Variants in ZNF385B observed in about 807,000 individuals in gnomAD.
ZNF385B encodes zinc finger protein 385B.
Under a neutral mutation model 39.2 loss-of-function variants are expected in ZNF385B, and 23 were observed. The ratio of observed to expected loss-of-function variants is 0.59; its 90% CI spans 0.42 to 0.83. ZNF385B has a LOEUF of 0.83. ZNF385B is among the 40% of genes least tolerant of loss of function. The probability of loss-of-function intolerance (pLI) is 0.00; values close to 1 mark genes in which losing one functional copy is unlikely to be tolerated. For missense variants in ZNF385B, 552 were observed against 598.9 expected (o/e 0.92, Z 0.82); for synonymous variants, 205 against 222.6 (o/e 0.92, Z 0.70).
intron 3 of ZNF385B, among the ~76,000 whole-genome samples, chr2:179,668,025 A>C (rs1218484048): frequency 6.6e-6 from 1 of 152,200 alleles, no homozygotes. Flanking sequence ...ATCTAGACTT[A>C]GTTTTCTCCA....
intron 1 of ZNF385B, among the ~76,000 whole-genome samples, chr2:179,857,808 C>T (rs116438987): frequency 0.023 from 3,489 of 152,082 alleles, 130 homozygotes; most frequent in African/African-American, 0.079. Context: ...CACCTAGTGC[C>T]GTGCTTGTCA....
chr2:179,676,094 A>AT (rs376176904), intron 3 of ZNF385B, among the ~76,000 whole-genome samples: 30 of 143,562 alleles, frequency 2.1e-4, no homozygotes, highest in Admixed American at 1.3e-3. Context: ...GGCCAACAGT[A>AT]TTTTTTTTCT....
chr2:179,507,910 A>G (rs1447019313), intron 5 of ZNF385B, among the ~76,000 whole-genome samples: 1 of 152,158 alleles, frequency 6.6e-6, no homozygotes, highest in African/African-American at 2.4e-5. Flanking sequence ...GACTTTCCCA[A>G]AAAACTGCTC....
intron 4 of ZNF385B, among the ~76,000 whole-genome samples, chr2:179,527,667 C>A (rs569437333): frequency 2.0e-5 from 3 of 152,018 alleles, no homozygotes; most frequent in Non-Finnish European, 2.9e-5. Flanking sequence ...TTTAAATATT[C>A]AGTTCTCTCC....
In ZNF385B at chr2:179,505,968, A is replaced by C. The variant is rs1295877812; in HGVS notation, c.552+12560T>G. Among the ~76,000 whole-genome samples the C allele has an allele frequency of 1.3e-5, 2 of 152,134 alleles. 1 individual carries two copies. The highest frequency in any genetic ancestry group is 4.8e-5 in the African/African-American group (2 of 41,398). The stretch of plus-strand genomic sequence containing the variant: ...TAAATGATTGCTGTGATTGCAGTTG[A>C]GTTTTAATAATATATATGTAAGACT... On this transcript the variant is annotated intron_variant, in intron 5 of 9. Coordinates refer to ENST00000410066, the MANE Select transcript of ZNF385B (RefSeq NM_152520.6).
intron 3 of ZNF385B, among the ~76,000 whole-genome samples, chr2:179,683,692 T>A (rs1374979440): frequency 6.6e-6 from 1 of 152,082 alleles, no homozygotes; most frequent in Non-Finnish European, 1.5e-5. Flanking sequence ...GCTAGGCTAG[T>A]CTCGAACTCC....
At chr2:179,827,206 G>A (rs1247011082) in intron 1 of ZNF385B, among the ~76,000 whole-genome samples, 4 of 152,144 alleles carry the variant, frequency 2.6e-5, no homozygotes, top group African/African-American at 4.8e-5. Flanking sequence ...AGACTAGTTC[G>A]TGTGGAAAAA....
Position 179,666,992 on chromosome 2 carries a change from G to A in ZNF385B, c.298+102511C>T, listed in dbSNP as rs371333269. 4.5e-4 allele frequency among the ~76,000 whole-genome samples: 68 copies of A among 152,170 alleles called. 1 individual carries two copies. In the South Asian group the frequency reaches 0.014, roughly 30 times the overall value. On this transcript the variant is annotated intron_variant, in intron 3 of 9. Transcript: ENST00000410066. ...ATCCATATTAAGATGAAAACTCCCA[G>A]GTCTTTATGTGTCTTTCAGTTAACA...
intron 3 of ZNF385B, among the ~76,000 whole-genome samples, chr2:179,552,319 CA>C (rs921752500): frequency 2.7e-5 from 4 of 149,088 alleles, no homozygotes; most frequent in Non-Finnish European, 5.9e-5. Context: ...ATGCCAGAGT[CA>C]ACAAATATGC....
chr2:179,461,877 A>T (rs555278866), intron 6 of ZNF385B, among the ~76,000 whole-genome samples: 1 of 152,272 alleles, frequency 6.6e-6, no homozygotes, highest in Admixed American at 6.5e-5. Flanking sequence ...AATCCATGCC[A>T]TTTATCAGGG....
In ZNF385B at chr2:179,778,487, G is replaced by A. The variant is rs147886982; in HGVS notation, c.-154-7815C>T. On this transcript the variant is annotated intron_variant, in intron 1 of 9. Transcript: ENST00000410066. ...CATTCTAGGGGTGGAAGGCAACATA[G>A]GCAATTGAATGGATGGATTCCTACA... 7.3e-3 allele frequency among the ~76,000 whole-genome samples: 1,111 copies of A among 152,286 alleles called. 8 individuals carry two copies. The highest frequency in any genetic ancestry group is 0.025 in the African/African-American group (1,019 of 41,554).
chr2:179,446,548 G>A lies in ZNF385B; in HGVS notation c.938C>T (p.Ser313Leu), dbSNP rs201581527. The A allele has an allele frequency of 9.9e-6, 16 of 1,613,954 alleles. No homozygotes were observed. The East Asian group carries it at 3.6e-4, about 36-fold the overall frequency. The change falls in exon 7 of 10, where the codon TCA (serine) becomes TTA (leucine). Residue 313 changes from serine to leucine, a missense_variant. Transcript: ENST00000410066. ...SLCKVAVNSL[S>L]QLEAHNTGSK... Reference sequence around the variant, plus strand: ...ACCTGTGTTGTGTGCCTCTAGCTGTGACAGGGAGTTCACAGCCACTTTGCA... The same window carrying A: ...ACCTGTGTTGTGTGCCTCTAGCTGTAACAGGGAGTTCACAGCCACTTTGCA...
intron 6 of ZNF385B, among the ~76,000 whole-genome samples, chr2:179,479,868 C>A (rs1236753599): frequency 1.3e-5 from 2 of 151,908 alleles, no homozygotes; most frequent in Non-Finnish European, 2.9e-5. Context: ...TAAAAAAGTT[C>A]ATCTGTGGGT....
intron 3 of ZNF385B, among the ~76,000 whole-genome samples, chr2:179,577,629 T>G (rs375344867): frequency 2.6e-5 from 4 of 152,220 alleles, no homozygotes; most frequent in East Asian, 3.9e-4. Flanking sequence ...TAAAACCTTA[T>G]AAATTGAAAA....
chr2:179,834,861 C>T lies in ZNF385B; in HGVS notation c.-155+26240G>A, dbSNP rs183863407. Among the ~76,000 whole-genome samples, 408 of 152,254 alleles carry T rather than the reference C, an allele frequency of 2.7e-3. 1 individual carries two copies. The highest frequency in any genetic ancestry group is 9.1e-3 in the African/African-American group (380 of 41,566). ...TTATATACTATGAAGGACACAACAA[C>T]GCCCATGAAGGATGCCTAATACATT... On this transcript the variant is annotated intron_variant, in intron 1 of 9. Transcript: ENST00000410066.
rs570221305 is a variant in ZNF385B, at chr2:179,735,978, C to T, written c.298+33525G>A. On this transcript the variant is annotated intron_variant, in intron 3 of 9. Transcript: ENST00000410066. ...AGTGCACCAGCATGGCACATGTACA[C>T]GTATGTAACCTGCACAATGTGCACA... Among the ~76,000 whole-genome samples, 14 of 147,418 alleles carry T rather than the reference C, an allele frequency of 9.5e-5. 1 individual carries two copies. The South Asian group carries it at 1.7e-3, about 18-fold the overall frequency.
At chr2:179,548,859 G>A (rs13002104) in intron 3 of ZNF385B, among the ~76,000 whole-genome samples, 17,515 of 149,072 alleles carry the variant, frequency 0.12, 2,206 homozygotes, top group Middle Eastern at 0.21. Context: ...TCAAGATGAG[G>A]TTTGGGCTAA....
chr2:179,541,154 T>G (rs572572997), intron 4 of ZNF385B, among the ~76,000 whole-genome samples: 1 of 152,324 alleles, frequency 6.6e-6, no homozygotes, highest in South Asian at 2.1e-4. Flanking sequence ...CGATTCAAAC[T>G]CCGTCTTCCT....
intron 3 of ZNF385B, among the ~76,000 whole-genome samples, chr2:179,628,382 G>C (rs1690868947): frequency 6.6e-6 from 1 of 152,002 alleles, no homozygotes; most frequent in South Asian, 2.1e-4. Context: ...ACTTATTTCA[G>C]TCATTTGTCC....
Sources: gnomAD v4.1 joint callset for allele counts (sites outside exome capture counted in the v4.1 genomes callset) on GRCh38, gnomAD v4.1.1 for gene constraint, MANE v1.5 for transcripts, NCBI Gene and HGNC (gene_info 2026-07-23, HGNC 2026-07-21) for gene names.